Variants in NEK7 observed in about 807,000 individuals in gnomAD.
The protein encoded by NEK7 is serine/threonine-protein kinase Nek7.
NEK7 carries 18 observed loss-of-function variants against 44.6 expected under a neutral mutation model. The observed-to-expected ratio is 0.40, with a 90% CI of 0.28 to 0.60. The LOEUF is 0.60. Among genes scored for constraint, NEK7 ranks in the 20% least tolerant of loss-of-function variants. The pLI is 0.38. For missense variants in NEK7, 256 were observed against 366.5 expected, an observed-to-expected ratio of 0.70 and a Z score of 2.46; for synonymous variants, 130 against 121.1, an observed-to-expected ratio of 1.07 and a Z score of -0.48.
chr1:198,219,435 AAATG>A (rs1459144009), intron 1 of NEK7, among the ~76,000 whole-genome samples: 3 of 151,750 alleles, frequency 2.0e-5, no homozygotes, highest in African/African-American at 4.8e-5. Flanking sequence ...GCATTATTCT[AAATG>A]AAGTAAATGA....
intron 2 of NEK7, among the ~76,000 whole-genome samples, chr1:198,242,387 TTTTC>T (rs1393984666): frequency 1.4e-5 from 2 of 140,508 alleles, no homozygotes; most frequent in Admixed American, 7.2e-5. Flanking sequence ...GCTTACCTCT[TTTTC>T]TTTCTTTTTC....
intron 3 of NEK7, chr1:198,256,540 G>T: frequency 6.7e-7 from 1 of 1,481,746 alleles, no homozygotes; most frequent in Non-Finnish European, 9.0e-7. Context: ...TACCAACTTT[G>T]CTTTTCTTTC....
intron 5 of NEK7, 187 bp from the exon 6 acceptor site, chr1:198,277,774 G>A: frequency 1.9e-6 from 1 of 526,030 alleles, no homozygotes; most frequent in South Asian, 2.6e-5. Context: ...AGTTATAATA[G>A]GAAAAAAACT....
chr1:198,173,485 A>C (rs1473774059), intron 1 of NEK7, among the ~76,000 whole-genome samples: 1 of 152,012 alleles, frequency 6.6e-6, no homozygotes, highest in Non-Finnish European at 1.5e-5. Context: ...TGCCCAATGA[A>C]TACTGGAGGA....
chr1:198,309,299 A>G (rs1655104509), intron 9 of NEK7, among the ~76,000 whole-genome samples: 1 of 152,102 alleles, frequency 6.6e-6, no homozygotes, highest in Admixed American at 6.5e-5. Context: ...GCACAGAACT[A>G]CAAGTGCTTT....
intron 1 of NEK7, among the ~76,000 whole-genome samples, chr1:198,226,056 G>A (rs1666213432): frequency 6.6e-6 from 1 of 152,026 alleles, no homozygotes; most frequent in South Asian, 2.1e-4. Flanking sequence ...TGACACAAAT[G>A]TGTCCCTGAA....
chr1:198,226,675 T>C (rs1214191256), intron 1 of NEK7, among the ~76,000 whole-genome samples: 1 of 152,176 alleles, frequency 6.6e-6, no homozygotes, highest in Non-Finnish European at 1.5e-5. Flanking sequence ...CCCATAATGC[T>C]TGTTATAGCC....
intron 7 of NEK7, among the ~76,000 whole-genome samples, chr1:198,291,408 C>T (rs1000383786): frequency 6.6e-6 from 1 of 152,108 alleles, no homozygotes; most frequent in Non-Finnish European, 1.5e-5. Context: ...TTAGAACTCC[C>T]AAAGCTAGAT....
At chr1:198,285,040 C>T (rs1171313926) in intron 7 of NEK7, among the ~76,000 whole-genome samples, 1 of 152,052 alleles carries the variant, frequency 6.6e-6, no homozygotes, top group Admixed American at 6.6e-5. Flanking sequence ...CTGACTGCCC[C>T]CGCTTCACTC....
At chr1:198,194,180 T>TTA (rs1665158558) in intron 1 of NEK7, among the ~76,000 whole-genome samples, 6 of 152,148 alleles carry the variant, frequency 3.9e-5, no homozygotes, top group Non-Finnish European at 8.8e-5. Flanking sequence ...GAAATCCGGA[T>TTA]GGAGATGTTT....
intron 5 of NEK7, among the ~76,000 whole-genome samples, chr1:198,265,024 A>G (rs2102952620): frequency 6.6e-6 from 1 of 152,184 alleles, no homozygotes; most frequent in East Asian, 1.9e-4. Flanking sequence ...TTTCTCTGTC[A>G]CATAAAAGTC....
At chr1:198,203,653 T>A (rs1460259704) in intron 1 of NEK7, among the ~76,000 whole-genome samples, 1 of 152,204 alleles carries the variant, frequency 6.6e-6, no homozygotes, top group African/African-American at 2.4e-5. Flanking sequence ...AGAAGTAACA[T>A]CATGTGTTTG....
chr1:198,242,422 A>G lies in NEK7; in HGVS notation c.57+9785A>G, dbSNP rs114643644. ...TTTTCTTTTTTTTTTTTTTGAGATA[A>G]GGTCTCACTCTGACACCCAGGCTGA... On this transcript the variant is annotated intron_variant, in intron 2 of 9. Coordinates refer to ENST00000367385, the MANE Select transcript of NEK7 (RefSeq NM_133494.3). 5.7e-3 allele frequency among the ~76,000 whole-genome samples: 832 copies of G among 146,658 alleles called. 17 individuals are homozygous for G. Among genetic ancestry groups the G allele is most frequent in the African/African-American group, 0.019 (765 of 39,464 alleles).
chr1:198,163,820 ATT>A (rs1374078575), intron 1 of NEK7, among the ~76,000 whole-genome samples: 1 of 152,158 alleles, frequency 6.6e-6, no homozygotes, highest in East Asian at 1.9e-4. Flanking sequence ...GAAAACTGAC[ATT>A]TTTTTCCATT....
chr1:198,253,037 C>T lies in NEK7; in HGVS notation c.58-3C>T. 2 of 1,598,244 alleles carry T rather than the reference C, an allele frequency of 1.3e-6. No homozygotes were observed. The highest frequency in any genetic ancestry group is 1.7e-6 in the Non-Finnish European group (2 of 1,173,050). ...AAAATTTTTCTGACATTTTTAATTA[C>T]AGAAGGCCTTACGACCGGATATGGG... On this transcript the variant is annotated splice_region_variant and splice_polypyrimidine_tract_variant and intron_variant, in intron 2 of 9. Coordinates refer to ENST00000367385, the MANE Select transcript of NEK7 (RefSeq NM_133494.3).
intron 3 of NEK7, among the ~76,000 whole-genome samples, chr1:198,254,761 C>T (rs187534623): frequency 7.9e-5 from 12 of 152,246 alleles, no homozygotes; most frequent in African/African-American, 2.9e-4. Flanking sequence ...TCCAAAGTTG[C>T]ACTGGTGTAA....
At chr1:198,235,749 C>T (rs556095015) in intron 2 of NEK7, among the ~76,000 whole-genome samples, 49 of 151,528 alleles carry the variant, frequency 3.2e-4, no homozygotes, top group African/African-American at 1.0e-3. Context: ...AGAATTTTTG[C>T]GAGTTATTAG....
chr1:198,245,033 A>G (rs1319349897), intron 2 of NEK7, among the ~76,000 whole-genome samples: 1 of 152,230 alleles, frequency 6.6e-6, no homozygotes, highest in African/African-American at 2.4e-5. Context: ...CATGCTTTGT[A>G]TGTTTTGTGT....
chr1:198,189,507 G>T (rs1480955715), intron 1 of NEK7, among the ~76,000 whole-genome samples: 1 of 151,978 alleles, frequency 6.6e-6, no homozygotes, highest in Non-Finnish European at 1.5e-5. Flanking sequence ...CCTTCTTTTG[G>T]TATATATAAC....
Sources: allele counts gnomAD v4.1 joint callset (sites outside exome capture counted in the v4.1 genomes callset), GRCh38; gene constraint gnomAD v4.1.1; transcripts MANE v1.5; gene names NCBI Gene and HGNC (gene_info 2026-07-23, HGNC 2026-07-21).